PHYH: variants seen among roughly 807,000 people sequenced by gnomAD.
The protein encoded by PHYH is phytanoyl-CoA dioxygenase, peroxisomal.
Under a neutral mutation model 38.5 loss-of-function variants are expected in PHYH, and 32 were observed. That is an observed-to-expected ratio of 0.83 (90% confidence interval 0.63 to 1.12). The LOEUF (loss-of-function observed/expected upper bound fraction) is 1.12, where lower values mean the gene tolerates loss of function less well. Among genes scored for constraint, PHYH ranks in the 50% most tolerant of loss-of-function variants. The probability of loss-of-function intolerance (pLI) is 0.00; values close to 1 mark genes in which losing one functional copy is unlikely to be tolerated. For missense variants in PHYH, 426 were observed against 434.8 expected, an observed-to-expected ratio of 0.98 and a Z score of 0.18; for synonymous variants, 166 against 157.9, an observed-to-expected ratio of 1.05 and a Z score of -0.38.
rs1272031469 is a variant in PHYH at position 13,298,209 on chromosome 10, T to C, written c.112A>G (p.Ser38Gly). ...TACTGGAATTGTTGAGGATGGAAAC[T>C]GGCAGAGGAAATAGTCCCTGAAGTG... ...HPTSGTISSA[S>G]FHPQQFQYTL... The change falls in exon 2 of 9, where the codon AGT (serine) becomes GGT (glycine). Residue 38 changes from serine (S) to glycine (G), a missense_variant. Ser to Gly is a moderately conservative substitution (Grantham distance 56). Transcript: ENST00000263038. The C allele has an allele frequency of 1.2e-6, 2 of 1,605,778 alleles. No homozygotes were observed. Among genetic ancestry groups the C allele is most frequent in the Non-Finnish European group, 8.5e-7 (1 of 1,172,424 alleles).
Position 13,281,178 on chromosome 10 carries a change from T to A in PHYH, c.829-68A>T, listed in dbSNP as rs554762687. The stretch of plus-strand genomic sequence containing the variant: ...TGAATACCAGTGACCAAGCAGGGAG[T>A]CTTTCTTTTAGAAAGTCATTTATTT... On this transcript the variant is annotated intron_variant, in intron 7 of 8. Coordinates refer to ENST00000263038, the MANE Select transcript of PHYH (RefSeq NM_006214.4). 51 of 1,516,192 alleles carry A rather than the reference T, an allele frequency of 3.4e-5. No homozygotes were observed. In the East Asian group the frequency reaches 1.1e-3, roughly 31 times the overall value. 93.9% of individuals were successfully genotyped at this position (1,516,192 alleles called of 1,614,324 possible). A position where few individuals can be genotyped will look rare whatever the true frequency, so the allele number is the denominator to read the frequency against.
At chr10:13,292,589 C>T (rs1005543000) in intron 4 of PHYH, among the ~76,000 whole-genome samples, 28 of 152,080 alleles carry the variant, frequency 1.8e-4, no homozygotes, top group African/African-American at 4.3e-4. Context: ...GCTGGGCTGC[C>T]GCTACCTTGT....
At chr10:13,298,019 G>A (rs187492396) in intron 2 of PHYH, among the ~76,000 whole-genome samples, 168 bp downstream of exon 2, 2 of 151,806 alleles carry the variant, frequency 1.3e-5, no homozygotes, top group African/African-American at 4.8e-5. Flanking sequence ...AAAATTAGTC[G>A]GTCTCCAAAA....
intron 2 of PHYH, among the ~76,000 whole-genome samples, chr10:13,296,782 C>T (rs1407884376): frequency 3.3e-5 from 5 of 151,286 alleles, no homozygotes; most frequent in African/African-American, 4.9e-5. Flanking sequence ...CGGTGAAACC[C>T]GCCTCTACTA....
intron 7 of PHYH, among the ~76,000 whole-genome samples, chr10:13,283,161 C>T (rs1173145313): frequency 8.0e-5 from 10 of 124,460 alleles, no homozygotes; most frequent in Non-Finnish European, 1.1e-4. Context: ...GACGGAGTCT[C>T]GCTGTCGCCC....
At chr10:13,290,691 G>A (rs998428818) in intron 5 of PHYH, among the ~76,000 whole-genome samples, 5 of 152,094 alleles carry the variant, frequency 3.3e-5, no homozygotes, top group South Asian at 2.1e-4. Flanking sequence ...GCACATCCAC[G>A]CCCAGCTTGA....
At chr10:13,298,513 C>T (rs1832638056) in intron 1 of PHYH, among the ~76,000 whole-genome samples, 1 of 151,946 alleles carries the variant, frequency 6.6e-6, no homozygotes, top group South Asian at 2.1e-4. Flanking sequence ...CCAGCCTGAC[C>T]AATATGGTGA....
At chr10:13,295,772 C>CA (rs953348447) in intron 2 of PHYH, among the ~76,000 whole-genome samples, 166 bp from the exon 3 acceptor site, 35 of 149,682 alleles carry the variant, frequency 2.3e-4, no homozygotes, top group Non-Finnish European at 4.3e-4. Flanking sequence ...CCTGTCTCTA[C>CA]AAAAAATACT....
At position 13,294,507 on chromosome 10, in the gene PHYH, G is replaced by A. The variant is rs1156732460; in HGVS notation, c.335C>T (p.Ala112Val). 3.1e-6 allele frequency: 5 copies of A among 1,613,828 alleles called. No homozygotes were observed. Among genetic ancestry groups the A allele is most frequent in the East Asian group, 4.5e-5 (2 of 44,878 alleles). ...RDVTISKSEY[A>V]PSEKMITKVQ... The stretch of plus-strand genomic sequence containing the variant: ...CTTCGTGATCATCTTCTCACTTGGA[G>A]CATATTCGGATTTCGAAATGGTCAC... The change falls in exon 4 of 9, where the codon GCT becomes GTT. Residue 112 changes from alanine (A) to valine (V), a missense_variant. Transcript: ENST00000263038.
intron 5 of PHYH, among the ~76,000 whole-genome samples, chr10:13,290,318 T>G (rs578251539): frequency 6.3e-4 from 95 of 151,458 alleles, no homozygotes; most frequent in African/African-American, 2.2e-3. Context: ...ATAAAAAAAG[T>G]TATCTAAGAG....
At chr10:13,292,147 T>C (rs995259581) in intron 4 of PHYH, among the ~76,000 whole-genome samples, 2 of 152,130 alleles carry the variant, frequency 1.3e-5, no homozygotes, top group Non-Finnish European at 2.9e-5. Flanking sequence ...AATGAAACCA[T>C]TTTTTCTCTA....
intron 4 of PHYH, among the ~76,000 whole-genome samples, chr10:13,293,421 C>A (rs1835760595): frequency 6.6e-6 from 1 of 152,058 alleles, no homozygotes; most frequent in South Asian, 2.1e-4. Context: ...CCTGCCTCAG[C>A]CTACTGAGTA....
rs1835721717 is a variant in PHYH at position 13,291,911 on chromosome 10, A to G, written c.416T>C (p.Ile139Thr). The change falls in exon 5 of 9, where the codon ATT becomes ACT. Residue 139 changes from isoleucine (I) to threonine (T), a missense_variant and splice_region_variant. Coordinates refer to ENST00000263038, the MANE Select transcript of PHYH (RefSeq NM_006214.4). ...AGTGAAGCACTCCACATATTTCAGA[A>G]TCTAAGAAAGCAAAAAAAAAACAAA... The part of the protein sequence containing the change: ...ELFRYCTLPE[I>T]LKYVECFTGP... 4 of 1,603,338 alleles carry G rather than the reference A, an allele frequency of 2.5e-6. No individual in the cohort carries two copies. The highest frequency in any genetic ancestry group is 2.6e-6 in the Non-Finnish European group (3 of 1,172,386).
chr10:13,299,785 GC>G (rs1414192166), intron 1 of PHYH, 182 bp downstream of exon 1: 11 of 1,311,836 alleles, frequency 8.4e-6, no homozygotes, highest in Admixed American at 4.2e-5. Flanking sequence ...GGGGGACGCA[GC>G]CTCTTCCCCG....
intron 1 of PHYH, chr10:13,299,495 G>A: frequency 3.9e-5 from 39 of 1,003,676 alleles, no homozygotes; most frequent in Non-Finnish European, 4.4e-5. Flanking sequence ...GCCGCCCTGG[G>A]CAGCGCCTGC....
At chr10:13,288,621 A>G (rs2131641105) in intron 5 of PHYH, 80 bp from the exon 6 acceptor site, 2 of 1,395,968 alleles carry the variant, frequency 1.4e-6, no homozygotes, top group East Asian at 2.3e-5. Context: ...ACTTTGGGAT[A>G]TAAAAATATA....
chr10:13,283,543 T>C (rs1435617242), intron 7 of PHYH, 147 bp downstream of exon 7: 3 of 812,004 alleles, frequency 3.7e-6, no homozygotes, highest in African/African-American at 3.4e-5. Flanking sequence ...TGGACTAAAG[T>C]CCAGGTTGGT....
rs1053099700 is a variant in PHYH, at chr10:13,295,275, G to C, written c.245+221C>G. On this transcript the variant is annotated intron_variant, in intron 3 of 8. Coordinates refer to ENST00000263038, the MANE Select transcript of PHYH (RefSeq NM_006214.4). ...GCCCAGGAACTTGAGGCCGCAGTAA[G>C]CTATGATCGCACCACTGCACTCAGC... is the stretch of plus-strand genomic sequence containing the variant. 2.0e-4 allele frequency: 105 copies of C among 526,452 alleles called. 1 individual carries two copies. Among genetic ancestry groups the C allele is most frequent in the Middle Eastern group, 5.3e-4 (1 of 1,896 alleles). 32.6% of individuals were successfully genotyped at this position (526,452 alleles called of 1,614,324 possible).
intron 3 of PHYH, 138 bp downstream of exon 3, chr10:13,295,358 G>T: frequency 1.5e-6 from 1 of 651,836 alleles, no homozygotes; most frequent in Non-Finnish European, 2.8e-6. Context: ...TCTGGCACCA[G>T]AGCCCATGCT....
Sources: gnomAD v4.1 joint callset for allele counts (sites outside exome capture counted in the v4.1 genomes callset) on GRCh38, gnomAD v4.1.1 for gene constraint, MANE v1.5 for transcripts, NCBI Gene and HGNC (gene_info 2026-07-23, HGNC 2026-07-21) for gene names.